The following BLM variants were observed in gnomAD, a reference collection of about 807,000 sequenced individuals.
BLM encodes BLM RecQ like helicase.
BLM carries 95 observed loss-of-function variants against 135.3 expected under a neutral mutation model. The ratio of observed to expected loss-of-function variants is 0.70; its 90% CI spans 0.59 to 0.83. The LOEUF is 0.83. Ranked by LOEUF, BLM falls within the 40% of genes least tolerant of loss-of-function variation. The pLI is 0.00. For missense variants in BLM, 1,518 were observed against 1,663.9 expected (o/e 0.91, Z 1.53); for synonymous variants, 520 against 589.2 (o/e 0.88, Z 1.70).
intron 16 of BLM, among the ~76,000 whole-genome samples, chr15:90,794,908 A>T (rs1200385711): frequency 6.6e-6 from 1 of 152,144 alleles, no homozygotes; most frequent in East Asian, 1.9e-4. Context: ...GAATAACAGT[A>T]ACTGCTTGTG....
intron 10 of BLM, among the ~76,000 whole-genome samples, chr15:90,767,275 T>G (rs1299575121): frequency 6.6e-6 from 1 of 152,200 alleles, no homozygotes; most frequent in African/African-American, 2.4e-5. Context: ...GTACATTTCC[T>G]AAAAACAACG....
Position 90,782,924 on chromosome 15 carries a change from C to T in BLM, c.2658C>T (p.His886=). ...GCCTAGAATGGATCAGAAAGCACCA[C>T]CCATGTGAGTACAGCCATGTGATTA... ...FDCLEWIRKH[H]PYDSGIIYCL... The change falls in exon 13 of 22, where the codon CAC becomes CAT. Residue 886 remains histidine (H), a synonymous_variant. Coordinates refer to ENST00000355112, the MANE Select transcript of BLM (RefSeq NM_000057.4). 6.2e-7 allele frequency: 1 copy of T among 1,606,232 alleles called. No individual in the cohort carries two copies. The highest frequency in any genetic ancestry group is 1.3e-5 in the African/African-American group (1 of 74,844).
intron 8 of BLM, among the ~76,000 whole-genome samples, chr15:90,764,615 G>A (rs1896073550): frequency 6.6e-6 from 1 of 151,992 alleles, no homozygotes; most frequent in Non-Finnish European, 1.5e-5. Flanking sequence ...CTCCCAAAGT[G>A]ATGGGATTTA....
Position 90,811,552 on chromosome 15 carries a change from A to G in BLM, c.4076+146A>G, listed in dbSNP as rs16944863. 113,488 of 950,088 alleles carry G rather than the reference A, an allele frequency of 0.12. 8,536 individuals are homozygous for G. The highest frequency in any genetic ancestry group is 0.33 in the African/African-American group (19,652 of 60,070). 58.9% of individuals were successfully genotyped at this position (950,088 alleles called of 1,614,324 possible). A position where few individuals can be genotyped will look rare whatever the true frequency, so the allele number is the denominator to read the frequency against. On this transcript the variant is annotated intron_variant, in intron 21 of 21. Coordinates refer to ENST00000355112, the MANE Select transcript of BLM (RefSeq NM_000057.4). ...AATGACAGTTGTTAATGGAGTGACA[A>G]TTAAGGTTTGATCCAAAACAAAAAT...
intron 1 of BLM, among the ~76,000 whole-genome samples, chr15:90,723,361 A>G (rs1208011454): frequency 7.0e-6 from 1 of 142,648 alleles, no homozygotes; most frequent in South Asian, 2.2e-4. Flanking sequence ...TTTTTTTTTA[A>G]TAGTAATTTT....
chr15:90,770,176 C>T (rs958831017), intron 12 of BLM, among the ~76,000 whole-genome samples: 2 of 141,170 alleles, frequency 1.4e-5, no homozygotes, highest in African/African-American at 5.4e-5. Context: ...ATCCCCCCCC[C>T]CTTTTTTTTT....
intron 1 of BLM, among the ~76,000 whole-genome samples, chr15:90,744,267 CT>C (rs1438037341): frequency 1.3e-5 from 2 of 152,194 alleles, no homozygotes; most frequent in Non-Finnish European, 2.9e-5. Flanking sequence ...AATAGTCTGA[CT>C]TCACTCTTTA....
chr15:90,745,434 G>C (rs1401822955), intron 1 of BLM, among the ~76,000 whole-genome samples: 1 of 152,050 alleles, frequency 6.6e-6, no homozygotes, highest in Non-Finnish European at 1.5e-5. Context: ...TTTTGAAACA[G>C]GGTCTTGCTC....
At chr15:90,773,404 A>C (rs1896380295) in intron 12 of BLM, among the ~76,000 whole-genome samples, 1 of 151,988 alleles carries the variant, frequency 6.6e-6, no homozygotes, top group Admixed American at 6.6e-5. Context: ...TGGGTGATAG[A>C]GCGAGACTCC....
chr15:90,720,736 A>C (rs1274650798), intron 1 of BLM, among the ~76,000 whole-genome samples: 1 of 151,862 alleles, frequency 6.6e-6, no homozygotes, highest in African/African-American at 2.4e-5. Context: ...TGCCTGGCTA[A>C]TTCTTGTATT....
chr15:90,760,345 G>A (rs755804399), intron 6 of BLM, 66 bp downstream of exon 6: 283 of 1,598,872 alleles, frequency 1.8e-4, no homozygotes, highest in Non-Finnish European at 2.3e-4. Context: ...GTGAAAAATG[G>A]ACAGGGCAAA....
chr15:90,811,418 G>A lies in BLM; in HGVS notation c.4076+12G>A. 1.2e-6 allele frequency: 2 copies of A among 1,613,352 alleles called. No homozygotes were observed. The highest frequency in any genetic ancestry group is 1.7e-6 in the Non-Finnish European group (2 of 1,179,422). ...TCCAAGGCAAAGGGGTATGTTTTGT[G>A]ACATCTTTTTCAATATAGGGAACAA... On this transcript the variant is annotated intron_variant, in intron 21 of 21. Transcript: ENST00000355112.
intron 1 of BLM, among the ~76,000 whole-genome samples, chr15:90,743,269 G>T (rs775265712): frequency 6.6e-6 from 1 of 151,826 alleles, no homozygotes; most frequent in Admixed American, 6.6e-5. Context: ...GTGAGCCACC[G>T]CTCCTGGCCT....
intron 16 of BLM, among the ~76,000 whole-genome samples, chr15:90,795,842 A>G (rs897089240): frequency 1.3e-5 from 2 of 152,272 alleles, no homozygotes; most frequent in Admixed American, 1.3e-4. Context: ...AGGAATGGGT[A>G]GAGTGCAGGA....
intron 1 of BLM, among the ~76,000 whole-genome samples, 141 bp from the exon 2 acceptor site, chr15:90,747,237 CAAAAAAAAAAA>C (rs59331923): frequency 2.3e-4 from 9 of 39,294 alleles, no homozygotes; most frequent in Middle Eastern, 0.023. Flanking sequence ...GTCTATTGAC[CAAAAAAAAAAA>C]AAAAAAAAAA....
intron 17 of BLM, among the ~76,000 whole-genome samples, chr15:90,802,806 T>C (rs535991643): frequency 7.4e-4 from 113 of 152,190 alleles, no homozygotes; most frequent in African/African-American, 2.6e-3. Flanking sequence ...TATAAAATAA[T>C]GTAAAGAGTG....
chr15:90,791,075 A>G (rs935766354), intron 15 of BLM, among the ~76,000 whole-genome samples: 1 of 152,172 alleles, frequency 6.6e-6, no homozygotes, highest in African/African-American at 2.4e-5. Flanking sequence ...AAAATTTACA[A>G]ACCATGCCTT....
At chr15:90,759,087 C>A (rs900247481) in intron 5 of BLM, among the ~76,000 whole-genome samples, 1 of 152,086 alleles carries the variant, frequency 6.6e-6, no homozygotes, top group African/African-American at 2.4e-5. Flanking sequence ...ACCTTGCTTA[C>A]CCCAAGAAAT....
chr15:90,776,998 G>GT (rs1441237983), intron 12 of BLM, among the ~76,000 whole-genome samples: 2 of 138,974 alleles, frequency 1.4e-5, no homozygotes, highest in African/African-American at 5.4e-5. Context: ...GTTTTGTTTT[G>GT]TTTTGTTTTT....
Sources: allele counts gnomAD v4.1 joint callset (sites outside exome capture counted in the v4.1 genomes callset), GRCh38; gene constraint gnomAD v4.1.1; transcripts MANE v1.5; gene names NCBI Gene and HGNC (gene_info 2026-07-23, HGNC 2026-07-21).